The following HPGDS variants were observed in gnomAD, a reference collection of about 807,000 sequenced individuals.
HPGDS encodes hematopoietic prostaglandin D synthase.
Under a neutral mutation model 23.1 loss-of-function variants are expected in HPGDS, and 26 were observed. The ratio of observed to expected loss-of-function variants is 1.13; its 90% CI spans 0.83 to 1.56. The LOEUF (loss-of-function observed/expected upper bound fraction) is 1.56. Ranked by LOEUF, HPGDS falls within the 40% of genes most tolerant of loss-of-function variation. The probability of loss-of-function intolerance (pLI) is 0.00; values close to 1 mark genes in which losing one functional copy is unlikely to be tolerated. For synonymous variants in HPGDS, 95 were observed against 77.9 expected, an observed-to-expected ratio of 1.22 and a Z score of -1.16; for missense variants, 268 against 236.4, an observed-to-expected ratio of 1.13 and a Z score of -0.88.
At position 94,299,582 on chromosome 4, in the gene HPGDS, G is replaced by A; in HGVS notation, c.498C>T (p.Asp166=). ...CCAGCCTTGGATGGTTGTCTAACAG[G>A]TCAGGCTTAAAGACCAAAAGTGTGG... The part of the protein sequence containing the change: ...CSTTLLVFKP[D]LLDNHPRLVT... Residue 166 remains aspartate, a synonymous_variant, in exon 6 of 6, where the codon GAC becomes GAT. Coordinates refer to ENST00000295256, the MANE Select transcript of HPGDS (RefSeq NM_014485.3). 3 of 1,614,132 alleles carry A rather than the reference G, an allele frequency of 1.9e-6. No homozygotes were observed. In the South Asian group the frequency reaches 3.3e-5, roughly 18 times the overall value.
At chr4:94,332,400 G>A (rs1240650584) in intron 2 of HPGDS, among the ~76,000 whole-genome samples, 3 of 152,202 alleles carry the variant, frequency 2.0e-5, no homozygotes, top group African/African-American at 4.8e-5. Flanking sequence ...CCTTGCTGGT[G>A]GGGGGCAGCC....
chr4:94,310,753 T>A (rs1479950398), intron 3 of HPGDS, among the ~76,000 whole-genome samples: 1 of 152,218 alleles, frequency 6.6e-6, no homozygotes, highest in Non-Finnish European at 1.5e-5. Flanking sequence ...CAACATTGAT[T>A]CTTCCTACCC....
chr4:94,314,807 G>A (rs998259817), intron 3 of HPGDS, among the ~76,000 whole-genome samples: 9 of 152,196 alleles, frequency 5.9e-5, no homozygotes, highest in African/African-American at 2.4e-5. Context: ...CTTCCTGGCA[G>A]CTTTGTTTAC....
In HPGDS at chr4:94,325,545, C is replaced by T. The variant is rs995476820; in HGVS notation, c.134-7580G>A. ...CTTGCAGTTCGATCTCAAACTGCTGCACAAGCAGTGAGCAAGGCTCCGTGG... is the reference window on the plus strand; with the variant it reads ...CTTGCAGTTCGATCTCAAACTGCTGTACAAGCAGTGAGCAAGGCTCCGTGG... On this transcript the variant is annotated intron_variant, in intron 2 of 5. Coordinates refer to ENST00000295256, the MANE Select transcript of HPGDS (RefSeq NM_014485.3). Among the ~76,000 whole-genome samples, 3 of 152,202 alleles carry T rather than the reference C, an allele frequency of 2.0e-5. No individual in the cohort carries two copies. The South Asian group carries it at 6.2e-4, about 31-fold the overall frequency.
intron 3 of HPGDS, among the ~76,000 whole-genome samples, chr4:94,314,352 T>C (rs968750783): frequency 1.3e-5 from 2 of 152,200 alleles, no homozygotes; most frequent in Non-Finnish European, 2.9e-5. Context: ...AGTTTTCCTT[T>C]TAACAGTCAG....
chr4:94,313,282 T>C (rs1010853392), intron 3 of HPGDS, among the ~76,000 whole-genome samples: 1 of 152,228 alleles, frequency 6.6e-6, no homozygotes, highest in African/African-American at 2.4e-5. Flanking sequence ...GTACTGGTTG[T>C]TCCATTCCAT....
chr4:94,302,319 C>T, intron 4 of HPGDS, 75 bp from the exon 5 acceptor site: 2 of 998,396 alleles, frequency 2.0e-6, no homozygotes, highest in Non-Finnish European at 3.1e-6. Context: ...AAGTAGATTT[C>T]TCCATCTTTA....
chr4:94,299,712 G>A (rs2126033668), intron 5 of HPGDS, 68 bp from the exon 6 acceptor site: 1 of 1,373,110 alleles, frequency 7.3e-7, no homozygotes, highest in Non-Finnish European at 1.0e-6. Flanking sequence ...TTCCAAAATT[G>A]AAATTAGTTT....
rs190426501 is a variant in HPGDS at position 94,322,927 on chromosome 4, G to C, written c.134-4962C>G. On this transcript the variant is annotated intron_variant, in intron 2 of 5. Transcript: ENST00000295256. Reference sequence around the variant, plus strand: ...TGCTATAAATTTCCCTGTACACACTGCTTTAAATGTATCCCAGAGATTCTG... The same window carrying C: ...TGCTATAAATTTCCCTGTACACACTCCTTTAAATGTATCCCAGAGATTCTG... Among the ~76,000 whole-genome samples, 46 of 152,298 alleles carry C rather than the reference G, an allele frequency of 3.0e-4. No homozygotes were observed. The South Asian group carries it at 9.1e-3, about 30-fold the overall frequency.
At chr4:94,315,486 T>G (rs1277402377) in intron 3 of HPGDS, among the ~76,000 whole-genome samples, 2 of 151,920 alleles carry the variant, frequency 1.3e-5, no homozygotes, top group African/African-American at 2.4e-5. Context: ...TAATAGAGGG[T>G]TTTTTTTCTT....
At position 94,334,660 on chromosome 4, in the gene HPGDS, G is replaced by T. The variant is rs1207154131; in HGVS notation, c.-9-22C>A. ...AATTCTGGAAAAAGAAAAAGGGAGG[G>T]ATTATTTTAAGAGCCCTCTAGAGAT... On this transcript the variant is annotated intron_variant, in intron 1 of 5. Coordinates refer to ENST00000295256, the MANE Select transcript of HPGDS (RefSeq NM_014485.3). The T allele has an allele frequency of 2.5e-6, 4 of 1,602,564 alleles. No individual in the cohort carries two copies. In the African/African-American group the frequency reaches 4.0e-5, roughly 16 times the overall value.
intron 2 of HPGDS, among the ~76,000 whole-genome samples, chr4:94,326,381 A>G (rs982059861): frequency 6.6e-6 from 1 of 152,166 alleles, no homozygotes; most frequent in Non-Finnish European, 1.5e-5. Context: ...AAATGATGTA[A>G]TACAGGCTTT....
Position 94,298,956 on chromosome 4 carries a change from A to C in HPGDS, c.*524T>G, listed in dbSNP as rs147278379. ...TTTATCACTGGGCCACAAGCAGGCA[A>C]TAGCAATACAACTACACACTTTGCT... On this transcript the variant is annotated 3_prime_UTR_variant, in exon 6 of 6. Transcript: ENST00000295256. 1.3e-5 allele frequency: 2 copies of C among 152,426 alleles called. No individual in the cohort carries two copies. Among genetic ancestry groups the C allele is most frequent in the East Asian group, 3.9e-4 (2 of 5,184 alleles). 9.4% of individuals were successfully genotyped at this position (152,426 alleles called of 1,614,324 possible). A position where few individuals can be genotyped will look rare whatever the true frequency, so the allele number is the denominator to read the frequency against.
intron 1 of HPGDS, among the ~76,000 whole-genome samples, chr4:94,340,322 T>C (rs1028769721): frequency 0.029 from 477 of 16,214 alleles, 7 homozygotes; most frequent in Non-Finnish European, 0.039. Flanking sequence ...TTTTTTTTTT[T>C]TTTTTTTTTT....
intron 1 of HPGDS, among the ~76,000 whole-genome samples, chr4:94,337,395 C>T (rs190452652): frequency 3.6e-4 from 55 of 152,060 alleles, no homozygotes; most frequent in Admixed American, 3.1e-3. Context: ...ATTAGCATTA[C>T]GTGGGGCACC....
intron 2 of HPGDS, among the ~76,000 whole-genome samples, chr4:94,331,203 C>T (rs1756730249): frequency 6.6e-6 from 1 of 152,188 alleles, no homozygotes; most frequent in Non-Finnish European, 1.5e-5. Context: ...GGTTACAGTT[C>T]ATCTACAGGG....
intron 3 of HPGDS, among the ~76,000 whole-genome samples, chr4:94,313,192 G>C (rs952401584): frequency 3.9e-5 from 6 of 152,114 alleles, no homozygotes; most frequent in Non-Finnish European, 7.4e-5. Context: ...GATGTTAGCT[G>C]GTTATTTTGC....
chr4:94,314,322 G>A (rs1445574135), intron 3 of HPGDS, among the ~76,000 whole-genome samples: 2 of 152,154 alleles, frequency 1.3e-5, no homozygotes, highest in Non-Finnish European at 2.9e-5. Context: ...GTTTTGGTGT[G>A]GATGTCCTTT....
chr4:94,300,681 T>C (rs182003757), intron 5 of HPGDS, among the ~76,000 whole-genome samples: 4 of 152,206 alleles, frequency 2.6e-5, no homozygotes, highest in Admixed American at 2.6e-4. Context: ...ATGTAGCTTT[T>C]ATTTTAGAAG....
Sources: gnomAD v4.1 joint callset for allele counts (sites outside exome capture counted in the v4.1 genomes callset) on GRCh38, gnomAD v4.1.1 for gene constraint, MANE v1.5 for transcripts, NCBI Gene and HGNC (gene_info 2026-07-23, HGNC 2026-07-21) for gene names.